The following ANKRD12 variants were observed in gnomAD, a reference collection of about 807,000 sequenced individuals.
The protein encoded by ANKRD12 is ankyrin repeat domain 12.
ANKRD12 carries 85 observed loss-of-function variants against 183.4 expected under a neutral mutation model. That is an observed-to-expected ratio of 0.46 (90% CI 0.39 to 0.56). ANKRD12 has a LOEUF of 0.56. Among genes scored for constraint, ANKRD12 ranks in the 20% least tolerant of loss-of-function variants. The pLI is 0.00. For missense variants in ANKRD12, 2,405 were observed against 2,357.1 expected (o/e 1.02, Z -0.42); for synonymous variants, 914 against 800.2 (o/e 1.14, Z -2.40).
intron 1 of ANKRD12, among the ~76,000 whole-genome samples, chr18:9,150,001 T>C (rs969034434): frequency 1.1e-4 from 16 of 152,018 alleles, no homozygotes; most frequent in Admixed American, 5.9e-4. Flanking sequence ...TTCACCATGT[T>C]GGCCAGGCTG....
intron 3 of ANKRD12, among the ~76,000 whole-genome samples, chr18:9,203,491 A>G (rs2035295533): frequency 6.6e-6 from 1 of 152,218 alleles, no homozygotes; most frequent in Non-Finnish European, 1.5e-5. Flanking sequence ...ATTTATAAGT[A>G]AAAATGTCTG....
At chr18:9,204,768 TAC>T (rs1351684580) in intron 4 of ANKRD12, among the ~76,000 whole-genome samples, 1 of 152,224 alleles carries the variant, frequency 6.6e-6, no homozygotes, top group African/African-American at 2.4e-5. Context: ...GACTGCCATA[TAC>T]CTCCACTCCA....
At chr18:9,193,135 A>ATTGTTT (rs2034560275) in intron 2 of ANKRD12, among the ~76,000 whole-genome samples, 1 of 128,468 alleles carries the variant, frequency 7.8e-6, no homozygotes. Context: ...TGAGTACAGC[A>ATTGTTT]TTTTTTTTTT....
intron 1 of ANKRD12, among the ~76,000 whole-genome samples, chr18:9,177,809 A>T (rs1037501665): frequency 1.7e-4 from 26 of 152,170 alleles, no homozygotes; most frequent in African/African-American, 5.6e-4. Flanking sequence ...TTTAGCTCTC[A>T]CATATGAGTG....
intron 6 of ANKRD12, among the ~76,000 whole-genome samples, chr18:9,213,431 T>C (rs2035916702): frequency 6.6e-6 from 1 of 151,976 alleles, no homozygotes; most frequent in African/African-American, 2.4e-5. Flanking sequence ...CATGAAGATT[T>C]AGTTGTAAGG....
intron 1 of ANKRD12, among the ~76,000 whole-genome samples, chr18:9,152,636 C>T (rs4798776): frequency 0.56 from 84,713 of 151,662 alleles, 24,740 homozygotes; most frequent in South Asian, 0.75. Flanking sequence ...TGGAAGTTAT[C>T]TACATTCTAT....
chr18:9,213,722 T>C (rs933665791), intron 6 of ANKRD12, among the ~76,000 whole-genome samples: 1 of 151,914 alleles, frequency 6.6e-6, no homozygotes, highest in Non-Finnish European at 1.5e-5. Context: ...TTATTTTCTT[T>C]GTATTTTTAA....
intron 1 of ANKRD12, among the ~76,000 whole-genome samples, chr18:9,149,470 G>A (rs1449741026): frequency 6.6e-6 from 1 of 152,256 alleles, no homozygotes; most frequent in African/African-American, 2.4e-5. Context: ...GGGAGATAAA[G>A]AATAGTAGAA....
At chr18:9,266,403 T>C (rs1345070664) in intron 10 of ANKRD12, among the ~76,000 whole-genome samples, 3 of 152,176 alleles carry the variant, frequency 2.0e-5, no homozygotes, top group African/African-American at 4.8e-5. Context: ...GCCCATCAGA[T>C]TAACAGCTGA....
At chr18:9,237,396 A>G (rs2037407340) in intron 8 of ANKRD12, among the ~76,000 whole-genome samples, 1 of 152,214 alleles carries the variant, frequency 6.6e-6, no homozygotes, top group Admixed American at 6.5e-5. Context: ...CATCACAAAA[A>G]TGCTCTTAAA....
Position 9,256,639 on chromosome 18 carries a change from AAAAAC to A in ANKRD12, c.3376_3380del (p.Thr1126AlafsTer5). On this transcript the variant is annotated frameshift_variant, in exon 9 of 13. Coordinates refer to ENST00000262126, the MANE Select transcript of ANKRD12 (RefSeq NM_015208.5). LOFTEE classifies it high-confidence loss of function. Reference sequence around the variant, plus strand: ...TAGAACTTAAAATAAAAGATAAAGAAAAAACAAAGCATACACCAACTGAATCCAAA... The same window carrying A: ...TAGAACTTAAAATAAAAGATAAAGAAAAAGCATACACCAACTGAATCCAAA... 1 of 1,607,122 alleles carries A rather than the reference AAAAAC, an allele frequency of 6.2e-7. No homozygotes were observed. The highest frequency in any genetic ancestry group is 8.5e-7 in the Non-Finnish European group (1 of 1,178,438).
intron 1 of ANKRD12, among the ~76,000 whole-genome samples, chr18:9,142,178 A>G (rs989159771): frequency 1.4e-4 from 21 of 152,198 alleles, no homozygotes; most frequent in African/African-American, 5.1e-4. Flanking sequence ...TCTAATAGAG[A>G]ACAAAAACCA....
At chr18:9,169,871 T>C (rs2032506750) in intron 1 of ANKRD12, among the ~76,000 whole-genome samples, 1 of 152,240 alleles carries the variant, frequency 6.6e-6, no homozygotes, top group Admixed American at 6.5e-5. Context: ...TTTCCATGTT[T>C]AGTGCTTCCT....
rs575991229 is a variant in ANKRD12, at chr18:9,138,026, C to G, written c.-52+1061C>G. Among the ~76,000 whole-genome samples the G allele has an allele frequency of 2.0e-5, 3 of 152,318 alleles. No individual in the cohort carries two copies. The South Asian group carries it at 6.2e-4, about 32-fold the overall frequency. On this transcript the variant is annotated intron_variant, in intron 1 of 12. Transcript: ENST00000262126. ...TTTCCACTGGACACCCGTGGTTAAA[C>G]TGCGAACTAAGGTGAAGTGTGTTGC...
intron 4 of ANKRD12, among the ~76,000 whole-genome samples, chr18:9,206,617 A>G (rs1201767275): frequency 6.6e-6 from 1 of 152,082 alleles, no homozygotes; most frequent in African/African-American, 2.4e-5. Flanking sequence ...ACATATGACT[A>G]TGGTAACTGA....
At chr18:9,278,293 A>G (rs1201105637) in intron 11 of ANKRD12, among the ~76,000 whole-genome samples, 1 of 152,206 alleles carries the variant, frequency 6.6e-6, no homozygotes, top group African/African-American at 2.4e-5. Context: ...TAAAGGGAAA[A>G]AAGTCTACTT....
intron 1 of ANKRD12, among the ~76,000 whole-genome samples, chr18:9,175,054 A>G (rs933726590): frequency 2.0e-5 from 3 of 151,952 alleles, no homozygotes; most frequent in Admixed American, 2.0e-4. Flanking sequence ...ACCCAGATTC[A>G]AGCAACTCTC....
intron 8 of ANKRD12, 61 bp downstream of exon 8, chr18:9,222,060 T>C (rs1176437255): frequency 1.3e-6 from 2 of 1,571,610 alleles, no homozygotes; most frequent in Non-Finnish European, 1.7e-6. Context: ...TAGAACATTC[T>C]GGATTCATTT....
At chr18:9,262,783 G>GT in intron 9 of ANKRD12, among the ~76,000 whole-genome samples, 1 of 88,338 alleles carries the variant, frequency 1.1e-5, no homozygotes, top group Non-Finnish European at 2.1e-5. Flanking sequence ...CAGCCAAGAT[G>GT]TCCCTTTTTT....
Sources: allele counts gnomAD v4.1 joint callset (sites outside exome capture counted in the v4.1 genomes callset), GRCh38; gene constraint gnomAD v4.1.1; transcripts MANE v1.5; gene names NCBI Gene and HGNC (gene_info 2026-07-23, HGNC 2026-07-21).